AKAP12: variants seen among roughly 807,000 people sequenced by gnomAD.
AKAP12 encodes A-kinase anchoring protein 12, also known as A-kinase anchor protein 12.
A neutral mutation model predicts 79.9 loss-of-function variants in AKAP12; 32 were observed. That is an observed-to-expected ratio of 0.40 (90% CI 0.30 to 0.54). The LOEUF (loss-of-function observed/expected upper bound fraction) is 0.54, where lower values mean the gene tolerates loss of function less well. AKAP12 is among the 20% of genes least tolerant of loss of function. The pLI, the probability that AKAP12 is intolerant of heterozygous loss-of-function variation, is 0.48. For synonymous variants in AKAP12, 808 were observed against 857.0 expected, an observed-to-expected ratio of 0.94 and a Z score of 1.00; for missense variants, 2,074 against 2,177.0, an observed-to-expected ratio of 0.95 and a Z score of 0.94.
intron 3 of AKAP12, among the ~76,000 whole-genome samples, chr6:151,327,199 G>A (rs1161093306): frequency 6.6e-6 from 1 of 150,718 alleles, no homozygotes; most frequent in African/African-American, 2.5e-5. Context: ...AAAGCCATGC[G>A]CTCCAGTGGA....
intron 2 of AKAP12, among the ~76,000 whole-genome samples, chr6:151,277,694 C>A (rs1265914732): frequency 1.3e-5 from 2 of 152,078 alleles, no homozygotes; most frequent in Non-Finnish European, 2.9e-5. Context: ...GAATATAAAT[C>A]CCATTTTTTA....
intron 3 of AKAP12, among the ~76,000 whole-genome samples, chr6:151,342,296 A>G (rs994517340): frequency 6.8e-4 from 103 of 152,348 alleles, no homozygotes; most frequent in African/African-American, 2.3e-3. Context: ...TCTAGGCTTC[A>G]ATGCGGGTTC....
At chr6:151,316,279 C>T (rs989619517) in intron 3 of AKAP12, among the ~76,000 whole-genome samples, 1 of 152,154 alleles carries the variant, frequency 6.6e-6, no homozygotes, top group Non-Finnish European at 1.5e-5. Flanking sequence ...ATTAGTCATT[C>T]AGGTGAAAAG....
chr6:151,328,414 G>A (rs2485544), intron 3 of AKAP12, among the ~76,000 whole-genome samples: 75,943 of 151,110 alleles, frequency 0.5, 22,107 homozygotes, highest in African/African-American at 0.8. Flanking sequence ...GGAGGCGGGC[G>A]GATCACGAGG....
At chr6:151,309,098 C>T (rs1403930647) in intron 3 of AKAP12, among the ~76,000 whole-genome samples, 3 of 152,208 alleles carry the variant, frequency 2.0e-5, no homozygotes, top group Non-Finnish European at 4.4e-5. Flanking sequence ...TGGTCTCGAA[C>T]TCCTGACCTC....
At chr6:151,281,167 A>G (rs1032056854) in intron 2 of AKAP12, among the ~76,000 whole-genome samples, 2 of 152,110 alleles carry the variant, frequency 1.3e-5, no homozygotes, top group African/African-American at 2.4e-5. Flanking sequence ...TGAATCCCCA[A>G]CTCAGCCACT....
At chr6:151,322,972 C>G (rs2114781772) in intron 3 of AKAP12, among the ~76,000 whole-genome samples, 1 of 152,270 alleles carries the variant, frequency 6.6e-6, no homozygotes, top group East Asian at 1.9e-4. Context: ...TGATGTCTTC[C>G]TCTAAAAATC....
intron 3 of AKAP12, among the ~76,000 whole-genome samples, chr6:151,336,105 T>A (rs946078924): frequency 6.6e-6 from 1 of 152,172 alleles, no homozygotes; most frequent in African/African-American, 2.4e-5. Context: ...ATTTCCTTCT[T>A]TTTCATGGCT....
intron 3 of AKAP12, chr6:151,324,341 G>T: frequency 2.0e-6 from 2 of 985,372 alleles, no homozygotes; most frequent in Non-Finnish European, 2.4e-6. Context: ...GCTGATTTTT[G>T]TAACAAGGTC....
rs1041129248 is a variant in AKAP12, at chr6:151,325,084, A to G, written c.319+19181A>G. The G allele has an allele frequency of 1.6e-5, 16 of 985,340 alleles. No homozygotes were observed. In the African/African-American group the frequency reaches 2.8e-4, roughly 17 times the overall value. 61.0% of individuals were successfully genotyped at this position (985,340 alleles called of 1,614,324 possible). On this transcript the variant is annotated intron_variant, in intron 3 of 4. Coordinates refer to ENST00000402676, the MANE Select transcript of AKAP12 (RefSeq NM_005100.4). ...TTGAAGACAGCACTTGTTAGAAGGA[A>G]CAAGTTCACTTCTGAGAGCCCTTCT...
intron 3 of AKAP12, among the ~76,000 whole-genome samples, chr6:151,312,783 ACTCTGT>A (rs1364872117): frequency 8.1e-6 from 1 of 123,164 alleles, no homozygotes; most frequent in Non-Finnish European, 1.6e-5. Context: ...CAAGAGGGAG[ACTCTGT>A]CTCCAAAAAA....
chr6:151,320,249 C>T lies in AKAP12; in HGVS notation c.319+14346C>T, dbSNP rs568368326. Among the ~76,000 whole-genome samples, 3 of 151,990 alleles carry T rather than the reference C, an allele frequency of 2.0e-5. No individual in the cohort carries two copies. The East Asian group carries it at 5.8e-4, about 30-fold the overall frequency. Reference sequence around the variant, plus strand: ...CGCCTCCAGACTGCCCACTCCGAGGCCTCTCCCGTTCTCTTCCTGTGTCAC... The same window carrying T: ...CGCCTCCAGACTGCCCACTCCGAGGTCTCTCCCGTTCTCTTCCTGTGTCAC... On this transcript the variant is annotated intron_variant, in intron 3 of 4. Transcript: ENST00000402676.
In AKAP12 at chr6:151,352,845, C is replaced by A; in HGVS notation, c.4454C>A (p.Pro1485Gln). Residue 1485 changes from proline (P) to glutamine (Q), a missense_variant, in exon 4 of 5, where the codon CCA becomes CAA. Around this residue, in one of 3 missense-constraint regions of AKAP12, gnomAD observed 614 missense variants for 665.6 expected, o/e 0.92. Coordinates refer to ENST00000402676, the MANE Select transcript of AKAP12 (RefSeq NM_005100.4). ...CCCGACTGTCAGGCAAAATCGACACCAGTGATAGTATCTGCTACTACCAAG... is the reference window on the plus strand; with the variant it reads ...CCCGACTGTCAGGCAAAATCGACACAAGTGATAGTATCTGCTACTACCAAG... ...TGPDCQAKST[P>Q]VIVSATTKKG... The A allele has an allele frequency of 6.2e-7, 1 of 1,614,122 alleles. No homozygotes were observed. Among genetic ancestry groups the A allele is most frequent in the Non-Finnish European group, 8.5e-7 (1 of 1,180,032 alleles).
intron 2 of AKAP12, among the ~76,000 whole-genome samples, chr6:151,254,537 GAC>G (rs1797252610): frequency 6.6e-6 from 1 of 152,072 alleles, no homozygotes; most frequent in Non-Finnish European, 1.5e-5. Context: ...TTTTAGTAGA[GAC>G]CGGGTTTCGC....
rs1343387944 is a variant in AKAP12 at position 151,349,150 on chromosome 6, T to TC, written c.764dup (p.Ala256SerfsTer23). 1 of 1,612,860 alleles carries TC rather than the reference T, an allele frequency of 6.2e-7. No homozygotes were observed. The highest frequency in any genetic ancestry group is 8.5e-7 in the Non-Finnish European group (1 of 1,179,896). On this transcript the variant is annotated frameshift_variant, in exon 4 of 5. Coordinates refer to ENST00000402676, the MANE Select transcript of AKAP12 (RefSeq NM_005100.4). LOFTEE classifies it high-confidence loss of function. The stretch of plus-strand genomic sequence containing the variant: ...GTGAGCAAAGCCACGCAGAAATTTC[T>TC]CCCCCAGCCGAATCTGGCCAAGCAG...
At chr6:151,274,452 G>A (rs1254077695) in intron 2 of AKAP12, among the ~76,000 whole-genome samples, 2 of 152,120 alleles carry the variant, frequency 1.3e-5, no homozygotes, top group African/African-American at 2.4e-5. Flanking sequence ...TAGTAGGGAA[G>A]TGGTTTAAAA....
At chr6:151,330,323 A>G (rs114008373) in intron 3 of AKAP12, among the ~76,000 whole-genome samples, 3 of 152,156 alleles carry the variant, frequency 2.0e-5, no homozygotes, top group Non-Finnish European at 4.4e-5. Flanking sequence ...AGGTCCAATG[A>G]TGATGTCACC....
rs185969931 is a variant in AKAP12, at chr6:151,270,102, G to C, written c.162+29378G>C. ...AGACAGTCTCGCTCTTGTTGCCCAG[G>C]CTGGAGTGCAGTGGCGAGATCTTGG... On this transcript the variant is annotated intron_variant, in intron 2 of 4. Coordinates refer to ENST00000402676, the MANE Select transcript of AKAP12 (RefSeq NM_005100.4). Among the ~76,000 whole-genome samples, 168 of 152,266 alleles carry C rather than the reference G, an allele frequency of 1.1e-3. 1 individual carries two copies. Among genetic ancestry groups the C allele is most frequent in the African/African-American group, 3.8e-3 (157 of 41,566 alleles).
At chr6:151,252,461 G>A (rs1162824415) in intron 2 of AKAP12, among the ~76,000 whole-genome samples, 1 of 152,030 alleles carries the variant, frequency 6.6e-6, no homozygotes, top group Non-Finnish European at 1.5e-5. Flanking sequence ...CTCCCAAAGT[G>A]CTGGGATTAC....
Sources: gnomAD v4.1 joint callset for allele counts (sites outside exome capture counted in the v4.1 genomes callset) on GRCh38, gnomAD v4.1.1 for gene constraint, gnomAD v4.1.1 regional missense constraint, MANE v1.5 for transcripts, NCBI Gene and HGNC (gene_info 2026-07-23, HGNC 2026-07-21) for gene names.